HSH2D: variants seen among roughly 807,000 people sequenced by gnomAD.
HSH2D encodes the protein hematopoietic SH2 domain containing.
A neutral mutation model predicts 21.5 loss-of-function variants in HSH2D; 16 were observed. That is an observed-to-expected ratio of 0.74 (90% confidence interval 0.50 to 1.13). The LOEUF is 1.13. Among genes scored for constraint, HSH2D ranks in the 50% most tolerant of loss-of-function variants. The pLI, the probability that HSH2D is intolerant of heterozygous loss-of-function variation, is 0.00. For synonymous variants in HSH2D, 172 were observed against 184.7 expected (o/e 0.93, Z 0.56); for missense variants, 418 against 441.4 (o/e 0.95, Z 0.47).
At chr19:16,143,117 C>T, upstream of HSH2D, among the ~76,000 whole-genome samples, 1 of 151,752 alleles carries the variant, frequency 6.6e-6, no homozygotes. Flanking sequence ...AGGAGTCTCA[C>T]TCCGTTGCCC....
At chr19:16,142,540 C>T (rs566800681), upstream of HSH2D, among the ~76,000 whole-genome samples, 42 of 152,064 alleles carry the variant, frequency 2.8e-4, no homozygotes, top group South Asian at 8.3e-3. Context: ...CTCAGCAAAC[C>T]GCAACCTCCA....
In HSH2D at chr19:16,157,241, CAAAG is replaced by C. The variant is rs1248178965; in HGVS notation, c.507_510del (p.Glu171GlyfsTer7). ...CCAAAGCCAGTCCTGTGTCACCAAT[CAAAG>C]GAAAGGAAGCCGTCAGCAGAGATGA... On this transcript the variant is annotated frameshift_variant, in exon 6 of 6. Coordinates refer to ENST00000613986, the MANE Select transcript of HSH2D (RefSeq NM_001382417.1). LOFTEE classifies it low-confidence loss of function (END_TRUNC). The surrounding 1 kb of genome is among the most constrained non-coding windows in gnomAD (Gnocchi z 4.4). 6.4e-7 allele frequency: 1 copy of C among 1,568,210 alleles called. No homozygotes were observed. Among genetic ancestry groups the C allele is most frequent in the Non-Finnish European group, 8.6e-7 (1 of 1,160,322 alleles).
intron 1 of HSH2D, among the ~76,000 whole-genome samples, chr19:16,134,727 G>C (rs960712110): frequency 6.6e-6 from 1 of 152,056 alleles, no homozygotes; most frequent in African/African-American, 2.4e-5. Context: ...CTGGACCTCT[G>C]TGACCACTTC....
At chr19:16,148,651 A>C in intron 1 of HSH2D, 73 bp from the exon 2 acceptor site, 1 of 1,481,562 alleles carries the variant, frequency 6.7e-7, no homozygotes, top group Admixed American at 1.7e-5. Flanking sequence ...GAGGCACCAC[A>C]AGCTTCAAGA....
intron 5 of HSH2D, among the ~76,000 whole-genome samples, chr19:16,155,428 T>C (rs1359131109): frequency 2.6e-5 from 4 of 152,020 alleles, no homozygotes; most frequent in African/African-American, 9.7e-5. Flanking sequence ...GGGCTTGGTG[T>C]GTTTGGAAAA....
intron 1 of HSH2D, among the ~76,000 whole-genome samples, chr19:16,134,472 C>T (rs915332310): frequency 1.3e-5 from 2 of 152,188 alleles, no homozygotes; most frequent in African/African-American, 4.8e-5. Flanking sequence ...TGCCAGCAGG[C>T]CTTTCTCAGG....
chr19:16,153,061 C>T lies in HSH2D; in HGVS notation c.234C>T (p.Cys78=), dbSNP rs762887889. The change falls in exon 4 of 6, where the codon TGC becomes TGT. Residue 78 remains cysteine (C), a synonymous_variant. Transcript: ENST00000613986. ...TLSYKAQSSC[C]HFMVKLLDDG... Reference sequence around the variant, plus strand: ...TCCGCAGAGCCCAAAGCAGCTGCTGCCATTTCATGGTGAAGCTCTTGGATG... The same window carrying T: ...TCCGCAGAGCCCAAAGCAGCTGCTGTCATTTCATGGTGAAGCTCTTGGATG... 1.1e-5 allele frequency: 18 copies of T among 1,611,100 alleles called. No homozygotes were observed. Among genetic ancestry groups the T allele is most frequent in the Non-Finnish European group, 1.5e-5 (18 of 1,178,782 alleles).
chr19:16,153,219 G>C lies in HSH2D; in HGVS notation c.381+11G>C, dbSNP rs767374701. The C allele has an allele frequency of 6.6e-7, 1 of 1,506,038 alleles. No individual in the cohort carries two copies. Among genetic ancestry groups the C allele is most frequent in the Non-Finnish European group, 8.9e-7 (1 of 1,129,870 alleles). The allele number at this position is 1,506,038 out of a possible 1,614,324, so 93.3% of individuals were successfully genotyped here. On this transcript the variant is annotated intron_variant, in intron 4 of 5. Coordinates refer to ENST00000613986, the MANE Select transcript of HSH2D (RefSeq NM_001382417.1). ...CAGCCCTGCAGGCAGGTGAGGGCGG[G>C]GACCCACAAGGTTCACAGCCATTTC...
intron 5 of HSH2D, among the ~76,000 whole-genome samples, chr19:16,156,409 C>G (rs1232874458): frequency 6.6e-6 from 1 of 151,916 alleles, no homozygotes; most frequent in Admixed American, 6.6e-5. Context: ...GTCTCAAACT[C>G]CTGGCCTCAA....
In HSH2D at chr19:16,158,126, G is replaced by C. The variant is rs1463378530; in HGVS notation, c.*332G>C. 1 of 237,830 alleles carries C rather than the reference G, an allele frequency of 4.2e-6. No homozygotes were observed. Among genetic ancestry groups the C allele is most frequent in the East Asian group, 8.9e-5 (1 of 11,258 alleles). The allele number at this position is 237,830 out of a possible 1,614,324, so 14.7% of individuals were successfully genotyped here. ...GTTTTGAAGAAGAGACTGAGGTTCA[G>C]AGAGGATAAGAGGCGTGACCAAGGC... is the stretch of plus-strand genomic sequence containing the variant. On this transcript the variant is annotated 3_prime_UTR_variant, in exon 6 of 6. Transcript: ENST00000613986.
chr19:16,140,396 G>C (rs1333122479), upstream of HSH2D, among the ~76,000 whole-genome samples: 1 of 152,154 alleles, frequency 6.6e-6, no homozygotes, highest in African/African-American at 2.4e-5. Context: ...CTTGAGGTCA[G>C]GAGTTCAAGA....
chr19:16,154,448 C>T lies in HSH2D; in HGVS notation c.431C>T (p.Ala144Val). Reference protein sequence around the residue: ...DYEDLFLYSNAVAEEAACPVS... With the variant: ...DYEDLFLYSNVVAEEAACPVS... Reference sequence around the variant, plus strand: ...GAGGATCTCTTCCTCTACTCCAACGCAGTGGCCGAGGAAGCTGCCTGCCCG... The same window carrying T: ...GAGGATCTCTTCCTCTACTCCAACGTAGTGGCCGAGGAAGCTGCCTGCCCG... The change falls in exon 5 of 6, where the codon GCA (alanine) becomes GTA (valine). Residue 144 changes from alanine to valine, a missense_variant. Ala to Val is a moderately conservative substitution (Grantham distance 64, BLOSUM62 0). Transcript: ENST00000613986. The T allele has an allele frequency of 6.4e-7, 1 of 1,552,908 alleles. No homozygotes were observed.
At chr19:16,134,912 A>G (rs2090950536) in intron 1 of HSH2D, among the ~76,000 whole-genome samples, 1 of 151,436 alleles carries the variant, frequency 6.6e-6, no homozygotes, top group East Asian at 1.9e-4. Flanking sequence ...GCTTGAGGCC[A>G]GTTCAAGTTA....
At chr19:16,134,341 A>T (rs1395071552) in intron 1 of HSH2D, 1 of 152,144 alleles carries the variant, frequency 6.6e-6, no homozygotes, top group Non-Finnish European at 1.5e-5. Context: ...AGGATTCCAG[A>T]CTCCTACAAA....
chr19:16,134,520 C>A (rs1488775047), intron 1 of HSH2D, among the ~76,000 whole-genome samples: 1 of 152,224 alleles, frequency 6.6e-6, no homozygotes, highest in Non-Finnish European at 1.5e-5. Flanking sequence ...TCTGCACACA[C>A]TATGCTTTTA....
At chr19:16,146,673 G>A (rs1319856088) in intron 1 of HSH2D, among the ~76,000 whole-genome samples, 1 of 151,866 alleles carries the variant, frequency 6.6e-6, no homozygotes, top group Non-Finnish European at 1.5e-5. Flanking sequence ...GGAACAGAGG[G>A]AAACCCTGTC....
chr19:16,139,014 C>A (rs928775043), upstream of HSH2D, among the ~76,000 whole-genome samples: 1 of 152,008 alleles, frequency 6.6e-6, no homozygotes, highest in African/African-American at 2.4e-5. Context: ...TGAGCCACTA[C>A]GCCCAACTAA....
At chr19:16,146,269 G>T (rs1300741284) in intron 1 of HSH2D, among the ~76,000 whole-genome samples, 2 of 152,164 alleles carry the variant, frequency 1.3e-5, no homozygotes, top group Non-Finnish European at 2.9e-5. Flanking sequence ...TCAAGAAAGT[G>T]TGTGAATTAA....
intron 4 of HSH2D, 58 bp downstream of exon 4, chr19:16,153,266 C>A: frequency 1.4e-6 from 2 of 1,427,616 alleles, no homozygotes; most frequent in Non-Finnish European, 1.8e-6. Context: ...GCCCCCCAGA[C>A]CCCTTTGTTT....
Sources: allele counts gnomAD v4.1 joint callset (sites outside exome capture counted in the v4.1 genomes callset), GRCh38; gene constraint gnomAD v4.1.1; non-coding constraint Gnocchi (gnomAD v3.1); transcripts MANE v1.5; gene names NCBI Gene and HGNC (gene_info 2026-07-23, HGNC 2026-07-21).